The following FAM162B variants were observed in gnomAD, a reference collection of about 807,000 sequenced individuals.
FAM162B encodes protein FAM162B.
In FAM162B, 16 loss-of-function variants were observed where a neutral mutation model predicts 20.0. The ratio of observed to expected loss-of-function variants is 0.80; its 90% CI spans 0.54 to 1.21. FAM162B has a LOEUF of 1.21. FAM162B is among the 50% of genes most tolerant of loss of function. The pLI is 0.00. For missense variants in FAM162B, 260 were observed against 227.5 expected (o/e 1.14, Z -0.92); for synonymous variants, 83 against 89.7 (o/e 0.93, Z 0.42).
intron 3 of FAM162B, among the ~76,000 whole-genome samples, chr6:116,761,607 T>TA (rs1451539062): frequency 6.1e-5 from 9 of 147,956 alleles, no homozygotes; most frequent in Admixed American, 2.7e-4. Context: ...TCCAGTATTT[T>TA]TTATATATAT....
intron 3 of FAM162B, among the ~76,000 whole-genome samples, chr6:116,759,317 A>AT (rs1204409100): frequency 2.4e-5 from 2 of 84,632 alleles, no homozygotes; most frequent in Non-Finnish European, 4.9e-5. Context: ...TTTTTTTTTT[A>AT]TTTTTTGAGA....
intron 2 of FAM162B, among the ~76,000 whole-genome samples, chr6:116,762,797 A>G (rs1766465560): frequency 6.6e-6 from 1 of 152,178 alleles, no homozygotes; most frequent in African/African-American, 2.4e-5. Flanking sequence ...TTTTAATAAT[A>G]CTACTTACAA....
Position 116,765,471 on chromosome 6 carries a change from G to A in FAM162B, c.106C>T (p.Pro36Ser). 7.0e-7 allele frequency: 1 copy of A among 1,421,262 alleles called. No individual in the cohort carries two copies. Among genetic ancestry groups the A allele is most frequent in the Non-Finnish European group, 9.2e-7 (1 of 1,090,606 alleles). The allele number at this position is 1,421,262 out of a possible 1,614,324, so 88.0% of individuals were successfully genotyped here. Residue 36 changes from proline to serine, a missense_variant, in exon 1 of 4, where the codon CCG becomes TCG. Physicochemically the swap from Pro to Ser is moderately conservative, Grantham distance 74. Coordinates refer to ENST00000368557, the MANE Select transcript of FAM162B (RefSeq NM_001085480.3). Reference protein sequence around the residue: ...EATRRPAPALPPRGLPCYSSG... With the variant: ...EATRRPAPALSPRGLPCYSSG... ...GAGTAGCAGGGGAGACCCCGGGGCG[G>A]AAGAGCCGGTGCGGGCCGTCGCGTG...
chr6:116,759,089 T>C (rs940434084), intron 3 of FAM162B, among the ~76,000 whole-genome samples: 3 of 152,158 alleles, frequency 2.0e-5, no homozygotes, highest in African/African-American at 4.8e-5. Flanking sequence ...GTCAACTTTA[T>C]AGACTTAGAG....
intron 3 of FAM162B, among the ~76,000 whole-genome samples, chr6:116,759,625 G>T (rs1780112721): frequency 6.6e-6 from 1 of 151,832 alleles, no homozygotes; most frequent in Non-Finnish European, 1.5e-5. Context: ...ATTTTCACTG[G>T]GTTTTGAATA....
chr6:116,765,454 G>C lies in FAM162B; in HGVS notation c.123C>G (p.Pro41=). 1 of 1,440,768 alleles carries C rather than the reference G, an allele frequency of 6.9e-7. No individual in the cohort carries two copies. 89.2% of individuals were successfully genotyped at this position (1,440,768 alleles called of 1,614,324 possible). ...PAPALPPRGL[P]CYSSGGAPSN... is the part of the protein sequence containing the mutation. ...TGGGGGCCCCGCCGCTGGAGTAGCA[G>C]GGGAGACCCCGGGGCGGAAGAGCCG... is the stretch of plus-strand genomic sequence containing the variant. The change falls in exon 1 of 4, where the codon CCC becomes CCG. Residue 41 remains proline, a synonymous_variant. Coordinates refer to ENST00000368557, the MANE Select transcript of FAM162B (RefSeq NM_001085480.3).
At chr6:116,754,139 T>C (rs1219860548) in intron 3 of FAM162B, among the ~76,000 whole-genome samples, 2 of 152,150 alleles carry the variant, frequency 1.3e-5, no homozygotes, top group Non-Finnish European at 2.9e-5. Context: ...CTTTTCTTGG[T>C]TGAAGAATGG....
At chr6:116,759,315 T>C (rs1277469631) in intron 3 of FAM162B, among the ~76,000 whole-genome samples, 2 of 150,276 alleles carry the variant, frequency 1.3e-5, no homozygotes, top group African/African-American at 4.9e-5. Context: ...TTTTTTTTTT[T>C]TATTTTTTGA....
At chr6:116,762,989 GA>G (rs927905190) in intron 2 of FAM162B, among the ~76,000 whole-genome samples, 4 of 149,714 alleles carry the variant, frequency 2.7e-5, no homozygotes, top group Non-Finnish European at 5.9e-5. Flanking sequence ...TAGTTACATT[GA>G]AAAAAAAAAT....
In FAM162B at chr6:116,752,251, T is replaced by G. The variant is rs1266072101; in HGVS notation, c.*346A>C. 1 of 153,082 alleles carries G rather than the reference T, an allele frequency of 6.5e-6. No homozygotes were observed. Among genetic ancestry groups the G allele is most frequent in the African/African-American group, 2.4e-5 (1 of 41,392 alleles). 9.5% of individuals were successfully genotyped at this position (153,082 alleles called of 1,614,324 possible). ...AAAAACAGGCAAAATGAATCAAAGG[T>G]GATGAAACTCAGAAAAACTGCTATG... On this transcript the variant is annotated 3_prime_UTR_variant, in exon 4 of 4. Transcript: ENST00000368557.
intron 3 of FAM162B, among the ~76,000 whole-genome samples, chr6:116,759,467 A>AT (rs1165351720): frequency 1.2e-4 from 18 of 150,758 alleles, no homozygotes; most frequent in Admixed American, 7.9e-4. Flanking sequence ...CGCCTGGCTA[A>AT]TTTTTTTGTA....
intron 3 of FAM162B, among the ~76,000 whole-genome samples, chr6:116,758,329 G>T (rs763930191): frequency 6.6e-6 from 1 of 152,176 alleles, no homozygotes; most frequent in African/African-American, 2.4e-5. Context: ...GAAATAGTTG[G>T]ATGGCTAGAC....
rs1396945544 is a variant in FAM162B at position 116,760,204 on chromosome 6, G to A, written c.390+1773C>T. 2.6e-5 allele frequency among the ~76,000 whole-genome samples: 4 copies of A among 152,178 alleles called. No homozygotes were observed. The East Asian group carries it at 7.7e-4, about 29-fold the overall frequency. On this transcript the variant is annotated intron_variant, in intron 3 of 3. Coordinates refer to ENST00000368557, the MANE Select transcript of FAM162B (RefSeq NM_001085480.3). ...TGTTTGCTATCACACTTTTGGAGAA[G>A]AGGAAACAGAGCAATAACTGGTGCT...
intron 2 of FAM162B, among the ~76,000 whole-genome samples, chr6:116,762,841 C>A (rs1274361837): frequency 6.6e-6 from 1 of 152,004 alleles, no homozygotes; most frequent in East Asian, 1.9e-4. Flanking sequence ...GCCTGTGGGA[C>A]TTTTACGTTG....
At position 116,762,043 on chromosome 6, in the gene FAM162B, T is replaced by G; in HGVS notation, c.324A>C (p.Lys108Asn). The G allele has an allele frequency of 6.2e-7, 1 of 1,600,524 alleles. No individual in the cohort carries two copies. The highest frequency in any genetic ancestry group is 8.5e-7 in the Non-Finnish European group (1 of 1,169,844). The change falls in exon 3 of 4, where the codon AAA (lysine) becomes AAC (asparagine). Residue 108 changes from lysine to asparagine, a missense_variant. By Grantham distance (94) the Lys-to-Asn change is moderately conservative (BLOSUM62 0). Transcript: ENST00000368557. ...IDTARNKARVKACYIMIGLTI... is the reference protein window; with the variant it reads ...IDTARNKARVNACYIMIGLTI... ...TGAGTCCAATCATTATGTAACAAGCTTTCACTCGAGCTTTGTTTCTTGCGG... is the reference window on the plus strand; with the variant it reads ...TGAGTCCAATCATTATGTAACAAGCGTTCACTCGAGCTTTGTTTCTTGCGG...
chr6:116,762,008 G>T lies in FAM162B; in HGVS notation c.359C>A (p.Ala120Asp). 1 of 1,602,586 alleles carries T rather than the reference G, an allele frequency of 6.2e-7. No homozygotes were observed. Among genetic ancestry groups the T allele is most frequent in the Non-Finnish European group, 8.5e-7 (1 of 1,171,408 alleles). The change falls in exon 3 of 4, where the codon GCC (alanine) becomes GAC (aspartate). Residue 120 changes from alanine to aspartate, a missense_variant. Coordinates refer to ENST00000368557, the MANE Select transcript of FAM162B (RefSeq NM_001085480.3). ...CYIMIGLTII[A>D]CFAVIVSAKR... ...GGCTGACACTATCACAGCAAAGCAG[G>T]CGATAATTGTGAGTCCAATCATTAT...
chr6:116,764,853 C>T (rs1393735408), intron 2 of FAM162B, among the ~76,000 whole-genome samples: 1 of 152,198 alleles, frequency 6.6e-6, no homozygotes, highest in Non-Finnish European at 1.5e-5. Flanking sequence ...CCCACTGCCT[C>T]CCAGTTCGGA....
At position 116,765,624 on chromosome 6, in the gene FAM162B, AGGCGTTGTCCCCGCAG is replaced by A; in HGVS notation, c.-64_-49del. 7.9e-7 allele frequency: 1 copy of A among 1,273,400 alleles called. No homozygotes were observed. The highest frequency in any genetic ancestry group is 9.9e-7 in the Non-Finnish European group (1 of 1,014,282). 78.9% of individuals were successfully genotyped at this position (1,273,400 alleles called of 1,614,324 possible). On this transcript the variant is annotated 5_prime_UTR_variant, in exon 1 of 4. Transcript: ENST00000368557. Reference sequence around the variant, plus strand: ...CACCCGCACCTCCGGACCCAGCCACAGGCGTTGTCCCCGCAGCTCTCCTCGTCCCGCCCCGGCCTGC... The same window carrying A: ...CACCCGCACCTCCGGACCCAGCCACACTCTCCTCGTCCCGCCCCGGCCTGC...
Position 116,752,715 on chromosome 6 carries a change from T to G in FAM162B, c.391-20A>C. ...TACAGCCTGTGGGGGGGAAGAAATA[T>G]ATATATATATATATATATAGATACA... On this transcript the variant is annotated intron_variant, in intron 3 of 3. Coordinates refer to ENST00000368557, the MANE Select transcript of FAM162B (RefSeq NM_001085480.3). The G allele has an allele frequency of 8.0e-6, 1 of 124,434 alleles. No individual in the cohort carries two copies. Among genetic ancestry groups the G allele is most frequent in the Non-Finnish European group, 1.2e-5 (1 of 83,036 alleles). 7.7% of individuals were successfully genotyped at this position (124,434 alleles called of 1,614,324 possible).
Sources: allele counts gnomAD v4.1 joint callset (sites outside exome capture counted in the v4.1 genomes callset), GRCh38; gene constraint gnomAD v4.1.1; transcripts MANE v1.5; gene names NCBI Gene and HGNC (gene_info 2026-07-23, HGNC 2026-07-21).